The following ACSF3 variants were observed in gnomAD, a reference collection of about 807,000 sequenced individuals.
ACSF3 encodes the protein acyl-CoA synthetase family member 3.
A neutral mutation model predicts 53.2 loss-of-function variants in ACSF3; 78 were observed. The observed-to-expected ratio is 1.47, with a 90% confidence interval of 1.22 to 1.77. ACSF3 has a LOEUF of 1.77. Ranked by LOEUF, ACSF3 falls within the 40% of genes most tolerant of loss-of-function variation. ACSF3 has a pLI of 0.00. For missense variants in ACSF3, 937 were observed against 771.1 expected, an observed-to-expected ratio of 1.22 and a Z score of -2.55; for synonymous variants, 414 against 333.1, an observed-to-expected ratio of 1.24 and a Z score of -2.65.
Position 89,117,468 on chromosome 16 carries a change from A to T in ACSF3, c.1126+2981A>T, listed in dbSNP as rs536396211. On this transcript the variant is annotated intron_variant, in intron 6 of 10. Coordinates refer to ENST00000614302, the MANE Select transcript of ACSF3 (RefSeq NM_001243279.3). Reference sequence around the variant, plus strand: ...AGCTGAAATCAGGAGCAGCCCAGGGACCACTGTCTACACCGAGGGAGTCAT... The same window carrying T: ...AGCTGAAATCAGGAGCAGCCCAGGGTCCACTGTCTACACCGAGGGAGTCAT... Among the ~76,000 whole-genome samples, 58 of 152,196 alleles carry T rather than the reference A, an allele frequency of 3.8e-4. 1 individual carries two copies. The South Asian group carries it at 8.3e-3, about 22-fold the overall frequency.
At chr16:89,116,261 G>A (rs1375370339) in intron 6 of ACSF3, among the ~76,000 whole-genome samples, 2 of 152,154 alleles carry the variant, frequency 1.3e-5, no homozygotes, top group Admixed American at 6.5e-5. Context: ...CTGAGGGGTC[G>A]GCTCCTGGGC....
At chr16:89,145,487 G>A (rs1912750815) in intron 9 of ACSF3, 86 bp downstream of exon 9, 13 of 1,520,660 alleles carry the variant, frequency 8.5e-6, no homozygotes, top group Admixed American at 1.8e-5. Flanking sequence ...CAGATGAGTC[G>A]ACGCCGTCCC....
rs192887830 is a variant in ACSF3 at position 89,102,110 on chromosome 16, G to A, written c.667-494G>A. Among the ~76,000 whole-genome samples, 266 of 152,380 alleles carry A rather than the reference G, an allele frequency of 1.7e-3. 1 individual carries two copies. Among genetic ancestry groups the A allele is most frequent in the Non-Finnish European group, 3.4e-3 (228 of 68,036 alleles). On this transcript the variant is annotated intron_variant, in intron 3 of 10. Transcript: ENST00000614302. ...GAGGATTCAGTGGGCCGTGCCTCACGCTGCTTCTCAGTAAGAGCTGAGGGT... is the reference window on the plus strand; with the variant it reads ...GAGGATTCAGTGGGCCGTGCCTCACACTGCTTCTCAGTAAGAGCTGAGGGT...
At chr16:89,107,310 T>C (rs1976111194) in intron 4 of ACSF3, among the ~76,000 whole-genome samples, 1 of 152,156 alleles carries the variant, frequency 6.6e-6, no homozygotes, top group Non-Finnish European at 1.5e-5. Context: ...CCTTCGTGTC[T>C]TTCACCTCCG....
At chr16:89,094,338 A>G (rs906037075) in intron 1 of ACSF3, among the ~76,000 whole-genome samples, 2 of 152,090 alleles carry the variant, frequency 1.3e-5, no homozygotes, top group Admixed American at 6.5e-5. Flanking sequence ...TCCATTTCTC[A>G]TTGGGCTTCA....
At chr16:89,098,029 G>A (rs1189148328) in intron 1 of ACSF3, among the ~76,000 whole-genome samples, 3 of 151,786 alleles carry the variant, frequency 2.0e-5, no homozygotes, top group South Asian at 2.1e-4. Context: ...AGCCGAGATC[G>A]TGCCACTGCA....
Position 89,101,187 on chromosome 16 carries a change from C to G in ACSF3, c.506C>G (p.Pro169Arg), listed in dbSNP as rs377732201. The change falls in exon 3 of 11, where the codon CCG becomes CGG. Residue 169 changes from proline to arginine, a missense_variant. Physicochemically the swap from Pro to Arg is moderately radical, Grantham distance 103. Transcript: ENST00000614302. ...VVRKLGVPLL[P>R]LTPAIYTGAV... ...AGGAAGCTGGGGGTCCCGCTGCTGC[C>G]GCTCACACCAGCCATCTACACTGGA... The G allele has an allele frequency of 1.2e-6, 2 of 1,609,870 alleles. No individual in the cohort carries two copies. Among genetic ancestry groups the G allele is most frequent in the Non-Finnish European group, 1.7e-6 (2 of 1,178,216 alleles).
At chr16:89,134,323 A>T (rs1199537005) in intron 8 of ACSF3, among the ~76,000 whole-genome samples, 1 of 152,128 alleles carries the variant, frequency 6.6e-6, no homozygotes, top group African/African-American at 2.4e-5. Flanking sequence ...AGAACCATGG[A>T]ACCCAGTGAC....
chr16:89,105,664 C>G (rs1355952205), intron 4 of ACSF3, among the ~76,000 whole-genome samples: 1 of 152,224 alleles, frequency 6.6e-6, no homozygotes, highest in African/African-American at 2.4e-5. Context: ...GGCCCTGAAC[C>G]TCTGTTGGGG....
At chr16:89,144,114 C>T (rs767122916) in intron 8 of ACSF3, among the ~76,000 whole-genome samples, 35 of 152,236 alleles carry the variant, frequency 2.3e-4, no homozygotes, top group South Asian at 4.1e-4. Flanking sequence ...CTCGCAGGCA[C>T]GCACACTATG....
chr16:89,103,560 G>A (rs1258546572), intron 4 of ACSF3, among the ~76,000 whole-genome samples: 1 of 152,238 alleles, frequency 6.6e-6, no homozygotes, highest in Non-Finnish European at 1.5e-5. Flanking sequence ...CCATCTTGAG[G>A]TCCTTCGCTT....
At chr16:89,118,677 G>C (rs559896819) in intron 6 of ACSF3, among the ~76,000 whole-genome samples, 2 of 152,340 alleles carry the variant, frequency 1.3e-5, no homozygotes, top group African/African-American at 2.4e-5. Context: ...GCTGGGCCTC[G>C]TCACACTCTA....
Position 89,155,226 on chromosome 16 carries a change from A to T in ACSF3, c.*1019A>T, listed in dbSNP as rs1368968164. On this transcript the variant is annotated 3_prime_UTR_variant, in exon 11 of 11. Coordinates refer to ENST00000614302, the MANE Select transcript of ACSF3 (RefSeq NM_001243279.3). ...TGCCTCCTCCCCACAGCCTGGGGGA[A>T]GTAACAGTCATCGCCCAGCAGTGTC... The T allele has an allele frequency of 2.2e-6, 1 of 454,022 alleles. No homozygotes were observed. Among genetic ancestry groups the T allele is most frequent in the Non-Finnish European group, 4.4e-6 (1 of 226,806 alleles). The allele number at this position is 454,022 out of a possible 1,614,324, so 28.1% of individuals were successfully genotyped here.
At chr16:89,127,919 G>A (rs1247272903) in intron 7 of ACSF3, among the ~76,000 whole-genome samples, 1 of 152,108 alleles carries the variant, frequency 6.6e-6, no homozygotes, top group African/African-American at 2.4e-5. Flanking sequence ...GAAGTTATGT[G>A]GCTCCCATTC....
At chr16:89,125,292 G>A (rs1008374135) in intron 7 of ACSF3, among the ~76,000 whole-genome samples, 29 of 148,812 alleles carry the variant, frequency 1.9e-4, no homozygotes, top group African/African-American at 6.2e-4. Flanking sequence ...GCACTGAGCC[G>A]AGATCACGCC....
At chr16:89,118,125 G>A (rs1187069379) in intron 6 of ACSF3, among the ~76,000 whole-genome samples, 20 of 140,446 alleles carry the variant, frequency 1.4e-4, no homozygotes, top group African/African-American at 4.0e-4. Flanking sequence ...AGATTCCCTC[G>A]GGCGCCGGGG....
At chr16:89,151,320 AGGC>A in intron 10 of ACSF3, 1 of 417,526 alleles carries the variant, frequency 2.4e-6, no homozygotes, top group Admixed American at 2.8e-5. Flanking sequence ...CAAACATTGA[AGGC>A]AAAAAATAAA....
At chr16:89,136,800 G>A (rs1446578867) in intron 8 of ACSF3, 2 of 1,287,006 alleles carry the variant, frequency 1.6e-6, no homozygotes, top group African/African-American at 1.5e-5. Context: ...CTCCGCTGCT[G>A]CTCAAGGAGA....
At position 89,119,104 on chromosome 16, in the gene ACSF3, G is replaced by A. The variant is rs927826329; in HGVS notation, c.1127-1697G>A. Among the ~76,000 whole-genome samples the A allele has an allele frequency of 6.6e-5, 10 of 152,222 alleles. No homozygotes were observed. In the South Asian group the frequency reaches 1.7e-3, roughly 25 times the overall value. The stretch of plus-strand genomic sequence containing the variant: ...GGGGGCCCCTCCCTGAAGCTCTCAC[G>A]GGCGGCACCTGGAGTGTGGGGGCCA... On this transcript the variant is annotated intron_variant, in intron 6 of 10. Transcript: ENST00000614302.
Sources: gnomAD v4.1 joint callset for allele counts (sites outside exome capture counted in the v4.1 genomes callset) on GRCh38, gnomAD v4.1.1 for gene constraint, MANE v1.5 for transcripts, NCBI Gene and HGNC (gene_info 2026-07-23, HGNC 2026-07-21) for gene names.